The following IGF1R variants were observed in gnomAD, a reference collection of about 807,000 sequenced individuals.
IGF1R encodes the protein insulin-like growth factor 1 receptor.
A neutral mutation model predicts 144.6 loss-of-function variants in IGF1R; 44 were observed. The observed-to-expected ratio is 0.30, with a 90% CI of 0.24 to 0.39. The LOEUF (loss-of-function observed/expected upper bound fraction) is 0.39. Among genes scored for constraint, IGF1R ranks in the 10% least tolerant of loss-of-function variants. IGF1R has a pLI of 1.00. For missense variants in IGF1R, 1,355 were observed against 1,833.7 expected (o/e 0.74, Z 4.77); for synonymous variants, 795 against 722.8 (o/e 1.10, Z -1.60).
At chr15:98,688,342 C>G (rs2053385052) in intron 1 of IGF1R, among the ~76,000 whole-genome samples, 1 of 30,684 alleles carries the variant, frequency 3.3e-5, no homozygotes, top group Admixed American at 4.0e-4. Flanking sequence ...CTCTGCCTTT[C>G]ACTTCCCCCC....
chr15:98,891,297 C>T lies in IGF1R; in HGVS notation c.641-28C>T. On this transcript the variant is annotated intron_variant, in intron 2 of 20. Transcript: ENST00000650285. The surrounding 1 kb of genome is among the most constrained non-coding windows in gnomAD (Gnocchi z 4.7). ...AGGCGGTGCCTCCCCTGCCCGGTCT[C>T]ATCTCCGTCTCTCCTCTCTCTCCAC... The T allele has an allele frequency of 2.5e-6, 4 of 1,601,142 alleles. No homozygotes were observed. The highest frequency in any genetic ancestry group is 3.4e-6 in the Non-Finnish European group (4 of 1,179,024).
intron 19 of IGF1R, among the ~76,000 whole-genome samples, chr15:98,945,934 G>A (rs1230550314): frequency 6.6e-6 from 1 of 152,016 alleles, no homozygotes; most frequent in Non-Finnish European, 1.5e-5. Flanking sequence ...GGAGAGCTAG[G>A]TCTGCTACCT....
chr15:98,675,449 A>C (rs915197918), intron 1 of IGF1R, among the ~76,000 whole-genome samples: 1 of 152,212 alleles, frequency 6.6e-6, no homozygotes, highest in Admixed American at 6.5e-5. Context: ...TATTGCCAAA[A>C]TATTTTGCAG....
intron 2 of IGF1R, among the ~76,000 whole-genome samples, chr15:98,875,568 C>CTT (rs925107697): frequency 4.6e-5 from 7 of 151,084 alleles, no homozygotes; most frequent in African/African-American, 1.7e-4. Context: ...TTGAGAATGG[C>CTT]TTTAGTGTTC....
chr15:98,702,362 T>A (rs2053757601), intron 1 of IGF1R, among the ~76,000 whole-genome samples: 1 of 152,164 alleles, frequency 6.6e-6, no homozygotes, highest in Non-Finnish European at 1.5e-5. Context: ...TTATTATTGT[T>A]TTTTGAGACA....
At chr15:98,950,698 C>A (rs1281246177) in intron 20 of IGF1R, among the ~76,000 whole-genome samples, 1 of 152,184 alleles carries the variant, frequency 6.6e-6, no homozygotes, top group Non-Finnish European at 1.5e-5. Flanking sequence ...TACTCTCTCC[C>A]TTTTAAGTGA....
At chr15:98,852,848 C>G (rs1353686207) in intron 2 of IGF1R, among the ~76,000 whole-genome samples, 1 of 152,234 alleles carries the variant, frequency 6.6e-6, no homozygotes, top group Non-Finnish European at 1.5e-5. Context: ...CTCCCTTCCC[C>G]CGGCATCCCT....
At chr15:98,678,280 A>G (rs2053097921) in intron 1 of IGF1R, among the ~76,000 whole-genome samples, 1 of 152,206 alleles carries the variant, frequency 6.6e-6, no homozygotes, top group African/African-American at 2.4e-5. Flanking sequence ...TAACATATTC[A>G]GATTTTTTAA....
intron 2 of IGF1R, among the ~76,000 whole-genome samples, chr15:98,790,790 T>C (rs2056110805): frequency 6.6e-6 from 1 of 152,250 alleles, no homozygotes; most frequent in South Asian, 2.1e-4. Context: ...TATTTTTCTT[T>C]CCATGTTGAC....
chr15:98,956,247 C>A lies in IGF1R; in HGVS notation c.3723-814C>A, dbSNP rs562175260. ...CAGGTATTTGCAGCCCAGGTGCTGTCGGAGCCCAGCCGATGCGACCGACAC... is the reference window on the plus strand; with the variant it reads ...CAGGTATTTGCAGCCCAGGTGCTGTAGGAGCCCAGCCGATGCGACCGACAC... On this transcript the variant is annotated intron_variant, in intron 20 of 20. Transcript: ENST00000650285. Among the ~76,000 whole-genome samples, 108 of 152,366 alleles carry A rather than the reference C, an allele frequency of 7.1e-4. 1 individual carries two copies. Among genetic ancestry groups the A allele is most frequent in the African/African-American group, 2.5e-3 (103 of 41,592 alleles).
intron 2 of IGF1R, among the ~76,000 whole-genome samples, chr15:98,817,820 G>C (rs747153889): frequency 3.9e-5 from 6 of 152,158 alleles, no homozygotes; most frequent in Non-Finnish European, 5.9e-5. Flanking sequence ...TTTCACACCA[G>C]ACATTTCGTG....
chr15:98,846,830 A>G (rs576847589), intron 2 of IGF1R, among the ~76,000 whole-genome samples: 8 of 152,390 alleles, frequency 5.2e-5, no homozygotes, highest in Non-Finnish European at 1.0e-4. Context: ...GAAATTTTGC[A>G]ACACTTTGTT....
chr15:98,766,907 T>G (rs1474955715), intron 2 of IGF1R, among the ~76,000 whole-genome samples: 1 of 152,178 alleles, frequency 6.6e-6, no homozygotes, highest in Admixed American at 6.5e-5. Context: ...GATGTTTCTG[T>G]TTGTAGAAAA....
intron 1 of IGF1R, among the ~76,000 whole-genome samples, chr15:98,683,938 C>A (rs1400165039): frequency 6.6e-6 from 1 of 152,170 alleles, no homozygotes; most frequent in African/African-American, 2.4e-5. Flanking sequence ...TCCTAATCAC[C>A]TGGCGGGCGT....
intron 2 of IGF1R, among the ~76,000 whole-genome samples, chr15:98,723,301 C>T (rs1384354414): frequency 2.6e-5 from 4 of 152,162 alleles, no homozygotes; most frequent in Non-Finnish European, 5.9e-5. Context: ...CGTTCTTCTT[C>T]TCTCCTTGTC....
chr15:98,809,875 T>C (rs929488013), intron 2 of IGF1R, among the ~76,000 whole-genome samples: 14 of 151,874 alleles, frequency 9.2e-5, no homozygotes, highest in Admixed American at 5.9e-4. Flanking sequence ...GATGATAGAA[T>C]GAAAGCCCAC....
intron 1 of IGF1R, among the ~76,000 whole-genome samples, chr15:98,668,211 C>T (rs2052794230): frequency 1.3e-5 from 2 of 152,292 alleles, no homozygotes; most frequent in Admixed American, 1.3e-4. Context: ...GCTCTACCCT[C>T]AGGACCTCAT....
intron 10 of IGF1R, among the ~76,000 whole-genome samples, chr15:98,920,506 G>A (rs28705253): frequency 0.15 from 22,341 of 152,256 alleles, 2,081 homozygotes; most frequent in Non-Finnish European, 0.22. Context: ...ACAAGTGTAT[G>A]TTGTGTTGGT....
chr15:98,904,089 G>GT (rs2014612273), intron 5 of IGF1R, among the ~76,000 whole-genome samples: 3 of 135,004 alleles, frequency 2.2e-5, no homozygotes, highest in Non-Finnish European at 3.1e-5. Flanking sequence ...GTCTCACTCT[G>GT]TCACCCAGGC....
Sources: gnomAD v4.1 joint callset for allele counts (sites outside exome capture counted in the v4.1 genomes callset) on GRCh38, gnomAD v4.1.1 for gene constraint, Gnocchi (gnomAD v3.1) non-coding constraint, MANE v1.5 for transcripts, NCBI Gene and HGNC (gene_info 2026-07-23, HGNC 2026-07-21) for gene names.